The following LRRC37A2 variants were observed in gnomAD, a reference collection of about 807,000 sequenced individuals.
The protein encoded by LRRC37A2 is leucine-rich repeat-containing protein 37A2.
In LRRC37A2, 9 loss-of-function variants were observed where a neutral mutation model predicts 68.8. The observed-to-expected ratio is 0.13, with a 90% CI of 0.08 to 0.23. LRRC37A2 has a LOEUF of 0.23. LRRC37A2 is among the 10% of genes least tolerant of loss of function. The probability of loss-of-function intolerance (pLI) is 1.00; values close to 1 mark genes in which losing one functional copy is unlikely to be tolerated. For synonymous variants in LRRC37A2, 63 were observed against 367.6 expected, an observed-to-expected ratio of 0.17 and a Z score of 9.48; for missense variants, 168 against 950.4, an observed-to-expected ratio of 0.18 and a Z score of 10.82.
At chr17:46,773,407 C>T in the LRRC37A2 span, among the ~76,000 whole-genome samples, 2 of 152,104 alleles carry the variant, frequency 1.3e-5, no homozygotes, top group Non-Finnish European at 2.9e-5. Flanking sequence ...GAGCCTGAGG[C>T]GCCCACTGTG....
At chr17:46,818,637 A>G in the LRRC37A2 span, 30 of 1,547,132 alleles carry the variant, frequency 1.9e-5, no homozygotes, top group South Asian at 3.4e-4. Context: ...CGCGACCATG[A>G]AGAGGGGGAG....
At chr17:46,681,414 G>T in the LRRC37A2 span, among the ~76,000 whole-genome samples, 1 of 127,292 alleles carries the variant, frequency 7.9e-6, no homozygotes, top group Non-Finnish European at 1.7e-5. Context: ...CACTTGTGCC[G>T]GGGAGGTCAA....
chr17:46,765,124 T>G, the LRRC37A2 span, among the ~76,000 whole-genome samples: 1 of 152,278 alleles, frequency 6.6e-6, no homozygotes, highest in African/African-American at 2.4e-5. Flanking sequence ...CTCATTTGCA[T>G]AGTCATATCT....
the LRRC37A2 span, chr17:47,007,835 G>T: frequency 6.6e-6 from 1 of 152,286 alleles, no homozygotes; most frequent in East Asian, 1.9e-4. Context: ...TTGTGGCAAA[G>T]TTACCTTGGG....
the LRRC37A2 span, among the ~76,000 whole-genome samples, chr17:46,735,139 T>G: frequency 6.6e-6 from 1 of 152,160 alleles, no homozygotes; most frequent in African/African-American, 2.4e-5. Context: ...ATTTTCAAAA[T>G]AGGGTTTTGT....
chr17:46,865,676 C>T, the LRRC37A2 span, among the ~76,000 whole-genome samples: 14 of 152,212 alleles, frequency 9.2e-5, no homozygotes, highest in African/African-American at 3.4e-4. Flanking sequence ...AGTGCGGTGG[C>T]GTGATCATGG....
chr17:46,719,510 A>G, the LRRC37A2 span, among the ~76,000 whole-genome samples: 1 of 152,196 alleles, frequency 6.6e-6, no homozygotes, highest in Admixed American at 6.5e-5. This position sits in a 1 kb window ranked among gnomAD's most constrained non-coding sequence, Gnocchi z 4.3. Context: ...TCCTTTCTCC[A>G]TGGATAAACT....
At chr17:46,771,506 G>T in the LRRC37A2 span, among the ~76,000 whole-genome samples, 2 of 149,362 alleles carry the variant, frequency 1.3e-5, no homozygotes, top group African/African-American at 4.9e-5. Context: ...GGGCGGCGGG[G>T]GCGGGGCGGG....
At chr17:46,860,717 T>C in the LRRC37A2 span, among the ~76,000 whole-genome samples, 1 of 152,268 alleles carries the variant, frequency 6.6e-6, no homozygotes, top group Non-Finnish European at 1.5e-5. Context: ...TTCTTCTCTG[T>C]GCCTGTATCC....
the LRRC37A2 span, among the ~76,000 whole-genome samples, chr17:47,045,109 G>A: frequency 6.2e-5 from 8 of 128,168 alleles, no homozygotes; most frequent in Admixed American, 8.4e-5. Context: ...AAGATCAGAG[G>A]CTTCCACTGG....
At chr17:46,870,337 C>T in the LRRC37A2 span, among the ~76,000 whole-genome samples, 1 of 152,358 alleles carries the variant, frequency 6.6e-6, no homozygotes, top group East Asian at 1.9e-4. Flanking sequence ...GCCTCCTCAG[C>T]TGGAGTTGAC....
chr17:46,887,552 G>T, the LRRC37A2 span, among the ~76,000 whole-genome samples: 1 of 152,110 alleles, frequency 6.6e-6, no homozygotes, highest in African/African-American at 2.4e-5. Context: ...ATCATCTGAG[G>T]TCAGGAGTTT....
At chr17:46,810,336 T>C in the LRRC37A2 span, among the ~76,000 whole-genome samples, 5 of 152,066 alleles carry the variant, frequency 3.3e-5, no homozygotes, top group Non-Finnish European at 7.4e-5. Flanking sequence ...GGACTCACAG[T>C]GATAGTTAAC....
chr17:47,038,909 G>A, the LRRC37A2 span, among the ~76,000 whole-genome samples: 76 of 136,966 alleles, frequency 5.5e-4, 1 homozygote, highest in Admixed American at 5.9e-3. Context: ...TGCCAGGCTG[G>A]TCTCAACCTC....
chr17:46,675,671 C>T, the LRRC37A2 span, among the ~76,000 whole-genome samples: 4 of 136,388 alleles, frequency 2.9e-5, 1 homozygote, highest in South Asian at 9.2e-4. Context: ...CACGAACATT[C>T]TATTGGTTCT....
At chr17:47,024,640 G>C in the LRRC37A2 span, 7 of 1,024,912 alleles carry the variant, frequency 6.8e-6, no homozygotes, top group Admixed American at 1.0e-4. Flanking sequence ...AATAGTTGTA[G>C]TTTGCATTTT....
At chr17:46,955,013 C>G in the LRRC37A2 span, among the ~76,000 whole-genome samples, 2 of 152,156 alleles carry the variant, frequency 1.3e-5, no homozygotes, top group African/African-American at 4.8e-5. Context: ...CCTTTATTTC[C>G]TTCTGCCTGA....
chr17:46,965,836 GC>G, the LRRC37A2 span, among the ~76,000 whole-genome samples: 17 of 136,752 alleles, frequency 1.2e-4, no homozygotes, highest in Non-Finnish European at 2.5e-4. Flanking sequence ...TCATTATGTT[GC>G]CCAGGTTGGT....
At chr17:46,947,289 C>T in the LRRC37A2 span, among the ~76,000 whole-genome samples, 4 of 152,122 alleles carry the variant, frequency 2.6e-5, no homozygotes, top group Non-Finnish European at 4.4e-5. Context: ...AGAGAGAGGT[C>T]GTGGTGGGCT....
Sources: gnomAD v4.1 joint callset for allele counts (sites outside exome capture counted in the v4.1 genomes callset) on GRCh38, gnomAD v4.1.1 for gene constraint, Gnocchi (gnomAD v3.1) non-coding constraint, MANE v1.5 for transcripts, NCBI Gene and HGNC (gene_info 2026-07-23, HGNC 2026-07-21) for gene names.